Variants in BANK1 observed in about 807,000 individuals in gnomAD.
BANK1 encodes the protein B-cell scaffold protein with ankyrin repeats.
In BANK1, 95 loss-of-function variants were observed where a neutral mutation model predicts 94.5. The ratio of observed to expected loss-of-function variants is 1.00; its 90% CI spans 0.85 to 1.19. The LOEUF is 1.19. Ranked by LOEUF, BANK1 falls within the 50% of genes most tolerant of loss-of-function variation. BANK1 has a pLI of 0.00. For synonymous variants in BANK1, 334 were observed against 308.4 expected, an observed-to-expected ratio of 1.08 and a Z score of -0.87; for missense variants, 987 against 932.2, an observed-to-expected ratio of 1.06 and a Z score of -0.77.
At chr4:102,054,512 A>G (rs1189066127) in intron 11 of BANK1, among the ~76,000 whole-genome samples, 3 of 152,092 alleles carry the variant, frequency 2.0e-5, no homozygotes, top group East Asian at 3.8e-4. Flanking sequence ...ATGTTATACA[A>G]TCTCCCTCAT....
intron 7 of BANK1, among the ~76,000 whole-genome samples, chr4:101,920,043 A>G (rs1404677636): frequency 6.6e-6 from 1 of 152,032 alleles, no homozygotes; most frequent in African/African-American, 2.4e-5. Context: ...TTCTGAGTGA[A>G]GGTATGCTAG....
At chr4:102,067,119 TAGAA>T (rs1011564885) in intron 13 of BANK1, among the ~76,000 whole-genome samples, 68 of 151,898 alleles carry the variant, frequency 4.5e-4, no homozygotes, top group East Asian at 9.7e-4. Context: ...ATTTTAAAAA[TAGAA>T]AGAAATCAGT....
chr4:101,906,906 T>A (rs1198295089), intron 6 of BANK1, among the ~76,000 whole-genome samples: 1 of 152,134 alleles, frequency 6.6e-6, no homozygotes, highest in African/African-American at 2.4e-5. Context: ...ACTAGAGGAA[T>A]TAAAGATGCA....
At chr4:102,001,663 A>G (rs902678682) in intron 7 of BANK1, among the ~76,000 whole-genome samples, 3 of 152,214 alleles carry the variant, frequency 2.0e-5, no homozygotes, top group African/African-American at 7.2e-5. Context: ...TGAAGGGCGC[A>G]GTCAACCACA....
intron 6 of BANK1, among the ~76,000 whole-genome samples, chr4:101,903,712 T>C (rs1722355009): frequency 6.6e-6 from 1 of 152,194 alleles, no homozygotes; most frequent in Admixed American, 6.5e-5. Flanking sequence ...TAGGAATGCC[T>C]AGAGCAGGTC....
At position 101,862,566 on chromosome 4, in the gene BANK1, T is replaced by C; in HGVS notation, c.665T>C (p.Ile222Thr). The change falls in exon 4 of 17, where the codon ATT (isoleucine) becomes ACT (threonine). Residue 222 changes from isoleucine to threonine, a missense_variant. Ile to Thr is a moderately conservative substitution (Grantham distance 89, BLOSUM62 -1). Coordinates refer to ENST00000322953, the MANE Select transcript of BANK1 (RefSeq NM_017935.5). ...TTCATAATTTTGAGAGATGAAGTAA[T>C]TGGTGATACTGTAGAGGTTGAATTT... ...EIFIILRDEV[I>T]GDTVEVEFTS... The C allele has an allele frequency of 1.2e-6, 2 of 1,609,392 alleles. No individual in the cohort carries two copies. The highest frequency in any genetic ancestry group is 1.7e-6 in the Non-Finnish European group (2 of 1,177,546).
chr4:101,850,488 G>A (rs1349535612), intron 2 of BANK1, among the ~76,000 whole-genome samples: 1 of 147,900 alleles, frequency 6.8e-6, no homozygotes, highest in African/African-American at 2.5e-5. Context: ...TCACCATGTT[G>A]GCCAGGCTGG....
intron 1 of BANK1, among the ~76,000 whole-genome samples, chr4:101,821,537 AG>A (rs1392157168): frequency 6.6e-6 from 1 of 152,124 alleles, no homozygotes; most frequent in Non-Finnish European, 1.5e-5. Flanking sequence ...TTCTATGTCT[AG>A]GATGGTATTG....
intron 11 of BANK1, among the ~76,000 whole-genome samples, chr4:102,051,223 A>T (rs530779045): frequency 6.6e-6 from 1 of 152,320 alleles, no homozygotes; most frequent in East Asian, 1.9e-4. Context: ...CCAGTACTGG[A>T]TATATTAAAC....
At chr4:101,926,674 A>G (rs1723162494) in intron 7 of BANK1, among the ~76,000 whole-genome samples, 1 of 151,810 alleles carries the variant, frequency 6.6e-6, no homozygotes, top group East Asian at 1.9e-4. Flanking sequence ...AAATAGAAAG[A>G]ACCACATTGC....
chr4:101,839,775 C>T (rs1026796400), intron 2 of BANK1, among the ~76,000 whole-genome samples: 1 of 151,736 alleles, frequency 6.6e-6, no homozygotes, highest in Non-Finnish European at 1.5e-5. Context: ...TTCTTTACAA[C>T]TCTTGAACTT....
At chr4:102,073,237 G>A (rs1357201756) in intron 15 of BANK1, among the ~76,000 whole-genome samples, 1 of 148,020 alleles carries the variant, frequency 6.8e-6, no homozygotes, top group Non-Finnish European at 1.5e-5. Context: ...GTGCATATAT[G>A]TATATATATA....
chr4:102,006,075 A>G (rs993088952), intron 7 of BANK1, among the ~76,000 whole-genome samples: 3 of 152,070 alleles, frequency 2.0e-5, no homozygotes, highest in Non-Finnish European at 4.4e-5. Flanking sequence ...TTACCTGCAC[A>G]CGAAATGGCT....
At chr4:101,805,037 A>G (rs1482637210) in intron 1 of BANK1, among the ~76,000 whole-genome samples, 1 of 152,212 alleles carries the variant, frequency 6.6e-6, no homozygotes, top group Non-Finnish European at 1.5e-5. Flanking sequence ...ATCTGCCACT[A>G]TGTCAATAAT....
intron 5 of BANK1, among the ~76,000 whole-genome samples, chr4:101,872,140 A>G (rs547291132): frequency 6.6e-6 from 1 of 152,208 alleles, no homozygotes; most frequent in East Asian, 1.9e-4. Flanking sequence ...CAGGCACAGG[A>G]TGATTCAGGT....
At chr4:101,869,759 G>A (rs1728214085) in intron 4 of BANK1, among the ~76,000 whole-genome samples, 1 of 151,816 alleles carries the variant, frequency 6.6e-6, no homozygotes, top group Admixed American at 6.6e-5. Flanking sequence ...TTCCACAGAT[G>A]AATTTAAAGA....
chr4:102,040,601 A>G (rs1727671130), intron 10 of BANK1, among the ~76,000 whole-genome samples: 3 of 152,068 alleles, frequency 2.0e-5, no homozygotes, highest in Non-Finnish European at 4.4e-5. Context: ...ATTCAAACAC[A>G]TAGGGAAAGG....
intron 1 of BANK1, among the ~76,000 whole-genome samples, chr4:101,803,992 C>A (rs1276063057): frequency 4.6e-5 from 3 of 65,162 alleles, no homozygotes; most frequent in Admixed American, 2.6e-4. Flanking sequence ...AGCGAGACTC[C>A]GTCTCAAAAA....
At chr4:101,876,901 G>T (rs1041328407) in intron 5 of BANK1, among the ~76,000 whole-genome samples, 2 of 152,026 alleles carry the variant, frequency 1.3e-5, no homozygotes, top group Admixed American at 6.5e-5. Flanking sequence ...AATGAAGTTG[G>T]CATAATGAAG....
Sources: gnomAD v4.1 joint callset for allele counts (sites outside exome capture counted in the v4.1 genomes callset) on GRCh38, gnomAD v4.1.1 for gene constraint, MANE v1.5 for transcripts, NCBI Gene and HGNC (gene_info 2026-07-23, HGNC 2026-07-21) for gene names.